Variants in THSD7B observed in about 807,000 individuals in gnomAD.
THSD7B encodes thrombospondin type-1 domain-containing protein 7B.
A neutral mutation model predicts 213.6 loss-of-function variants in THSD7B; 138 were observed. The observed-to-expected ratio is 0.65, with a 90% confidence interval of 0.56 to 0.74. The LOEUF (loss-of-function observed/expected upper bound fraction) is 0.74. THSD7B is among the 30% of genes least tolerant of loss of function. THSD7B has a pLI of 0.00. For synonymous variants in THSD7B, 742 were observed against 687.0 expected, an observed-to-expected ratio of 1.08 and a Z score of -1.25; for missense variants, 1,931 against 1,991.5, an observed-to-expected ratio of 0.97 and a Z score of 0.58.
chr2:137,472,821 A>C (rs1340106955), intron 15 of THSD7B, among the ~76,000 whole-genome samples: 2 of 152,208 alleles, frequency 1.3e-5, no homozygotes, highest in African/African-American at 4.8e-5. Context: ...AAATACATTG[A>C]GATCTTAGGC....
chr2:137,644,505 GAA>G (rs919650264), intron 21 of THSD7B, among the ~76,000 whole-genome samples: 4 of 152,260 alleles, frequency 2.6e-5, no homozygotes, highest in African/African-American at 9.6e-5. Flanking sequence ...AGGTGCAAGA[GAA>G]AGGGAATCAT....
At chr2:136,847,260 T>C (rs1683026715) in intron 1 of THSD7B, among the ~76,000 whole-genome samples, 1 of 152,152 alleles carries the variant, frequency 6.6e-6, no homozygotes, top group Non-Finnish European at 1.5e-5. Flanking sequence ...GAAAATCAGA[T>C]TTGGTCAATA....
intron 7 of THSD7B, among the ~76,000 whole-genome samples, chr2:137,212,058 T>C (rs1223574643): frequency 6.6e-6 from 1 of 152,082 alleles, no homozygotes; most frequent in Non-Finnish European, 1.5e-5. Context: ...TACACTAGTA[T>C]TTTTGGTGAT....
intron 2 of THSD7B, among the ~76,000 whole-genome samples, chr2:136,957,442 T>G (rs1223626819): frequency 4.6e-5 from 7 of 152,044 alleles, no homozygotes; most frequent in African/African-American, 2.4e-5. Context: ...ACAACGTTTT[T>G]TTTTTTTTTT....
intron 1 of THSD7B, among the ~76,000 whole-genome samples, chr2:136,767,014 G>A (rs1336719950): frequency 6.6e-6 from 1 of 151,898 alleles, no homozygotes; most frequent in Non-Finnish European, 1.5e-5. Flanking sequence ...GCGCGTGCGT[G>A]TGAACGTGTG....
At chr2:136,920,123 T>C (rs929462740) in intron 2 of THSD7B, among the ~76,000 whole-genome samples, 1 of 152,264 alleles carries the variant, frequency 6.6e-6, no homozygotes, top group Non-Finnish European at 1.5e-5. Context: ...GCCCTGTTTA[T>C]GTTACAGCTC....
At chr2:137,347,510 CT>C (rs368173484) in intron 12 of THSD7B, among the ~76,000 whole-genome samples, 108 of 151,200 alleles carry the variant, frequency 7.1e-4, no homozygotes, top group African/African-American at 2.4e-3. Flanking sequence ...GAGACAACTC[CT>C]TTTCACTAGG....
chr2:137,409,606 A>T, intron 13 of THSD7B, among the ~76,000 whole-genome samples: 1 of 152,202 alleles, frequency 6.6e-6, no homozygotes, highest in East Asian at 1.9e-4. Context: ...GATAATTAAC[A>T]CTCTTCAAAT....
intron 15 of THSD7B, among the ~76,000 whole-genome samples, chr2:137,520,131 G>T (rs1680153484): frequency 6.6e-6 from 1 of 152,150 alleles, no homozygotes; most frequent in Admixed American, 6.6e-5. Flanking sequence ...TTGGAATTAG[G>T]ATGCATTTCT....
intron 2 of THSD7B, among the ~76,000 whole-genome samples, chr2:136,945,920 G>A (rs1346144159): frequency 2.0e-5 from 3 of 152,030 alleles, no homozygotes; most frequent in East Asian, 1.9e-4. Context: ...CCTTTAGTTC[G>A]GGGAAGTTTG....
intron 11 of THSD7B, among the ~76,000 whole-genome samples, chr2:137,275,275 A>G (rs1682840809): frequency 2.0e-5 from 3 of 152,090 alleles, no homozygotes; most frequent in Non-Finnish European, 4.4e-5. Flanking sequence ...AAGATTAACT[A>G]TCAGATAAGA....
chr2:137,212,023 C>T (rs1681123961), intron 7 of THSD7B, among the ~76,000 whole-genome samples: 1 of 151,986 alleles, frequency 6.6e-6, no homozygotes. Flanking sequence ...TAATGTGAAT[C>T]ACAACAATCA....
In THSD7B at chr2:136,963,007, T is replaced by TG. The variant is rs1243578821; in HGVS notation, c.139+80694dup. On this transcript the variant is annotated intron_variant, in intron 2 of 27. Coordinates refer to ENST00000409968, the MANE Select transcript of THSD7B (RefSeq NM_001316349.2). ...GGAGAAGTCTAAATGAAATGGCAAA[T>TG]GGGGATTATGTTACTGCTTCTACAT... Among the ~76,000 whole-genome samples the TG allele has an allele frequency of 1.1e-4, 16 of 152,318 alleles. No individual in the cohort carries two copies. In the South Asian group the frequency reaches 2.3e-3, roughly 22 times the overall value.
intron 15 of THSD7B, among the ~76,000 whole-genome samples, chr2:137,478,869 G>T (rs76289569): frequency 2.6e-5 from 4 of 152,264 alleles, no homozygotes; most frequent in Admixed American, 6.5e-5. Context: ...GCTTATGTTG[G>T]TTGTTAGTGG....
chr2:137,268,047 A>G (rs1682637302), intron 10 of THSD7B, among the ~76,000 whole-genome samples: 1 of 152,168 alleles, frequency 6.6e-6, no homozygotes, highest in African/African-American at 2.4e-5. Flanking sequence ...GGATTTCTGG[A>G]ATTATCATTC....
At chr2:136,838,714 T>C (rs909075139) in intron 1 of THSD7B, among the ~76,000 whole-genome samples, 2 of 152,214 alleles carry the variant, frequency 1.3e-5, no homozygotes, top group African/African-American at 4.8e-5. Flanking sequence ...GGCATCTGAC[T>C]GGGGGTGGCC....
At chr2:137,543,476 T>C (rs1417204352) in intron 15 of THSD7B, among the ~76,000 whole-genome samples, 3 of 151,860 alleles carry the variant, frequency 2.0e-5, no homozygotes. Flanking sequence ...TGAAGACAGT[T>C]ATTTAGCTGG....
chr2:137,302,191 A>G (rs1683621935), intron 12 of THSD7B, among the ~76,000 whole-genome samples: 1 of 152,152 alleles, frequency 6.6e-6, no homozygotes, highest in Admixed American at 6.5e-5. Context: ...ATATTTAAAC[A>G]ATGGGACTGA....
chr2:136,765,850 G>A (rs912592877), intron 1 of THSD7B, among the ~76,000 whole-genome samples, 163 bp downstream of exon 1: 2 of 152,326 alleles, frequency 1.3e-5, no homozygotes, highest in African/African-American at 4.8e-5. Context: ...AGCCAGACGC[G>A]GGAACTTGGA....
Sources: gnomAD v4.1 joint callset for allele counts (sites outside exome capture counted in the v4.1 genomes callset) on GRCh38, gnomAD v4.1.1 for gene constraint, MANE v1.5 for transcripts, NCBI Gene and HGNC (gene_info 2026-07-23, HGNC 2026-07-21) for gene names.